The following RIPOR2 variants were observed in gnomAD, a reference collection of about 807,000 sequenced individuals.
The protein encoded by RIPOR2 is RHO family interacting cell polarization regulator 2.
RIPOR2 carries 39 observed loss-of-function variants against 114.5 expected under a neutral mutation model. The ratio of observed to expected loss-of-function variants is 0.34; its 90% CI spans 0.26 to 0.44. RIPOR2 has a LOEUF of 0.44. RIPOR2 is among the 20% of genes least tolerant of loss of function. The pLI is 1.00. For synonymous variants in RIPOR2, 445 were observed against 484.4 expected (o/e 0.92, Z 1.07); for missense variants, 1,007 against 1,255.1 (o/e 0.80, Z 2.99).
intron 1 of RIPOR2, among the ~76,000 whole-genome samples, chr6:24,888,884 AT>A (rs1188558152): frequency 6.6e-6 from 1 of 152,216 alleles, no homozygotes; most frequent in African/African-American, 2.4e-5. Context: ...CATTACTCAA[AT>A]ATGGTAATGT....
chr6:24,851,138 G>A (rs1292032355), intron 9 of RIPOR2, among the ~76,000 whole-genome samples: 7 of 151,794 alleles, frequency 4.6e-5, no homozygotes, highest in Non-Finnish European at 7.4e-5. Flanking sequence ...CAGGTCATCT[G>A]CCCGCCTCAG....
chr6:24,924,818 C>A (rs1770745136), intron 1 of RIPOR2, among the ~76,000 whole-genome samples: 1 of 152,090 alleles, frequency 6.6e-6, no homozygotes, highest in Non-Finnish European at 1.5e-5. Context: ...ATGACATAGA[C>A]TAGAGTTGGC....
intron 1 of RIPOR2, among the ~76,000 whole-genome samples, chr6:24,905,004 A>G (rs1315768285): frequency 6.6e-6 from 1 of 151,998 alleles, no homozygotes; most frequent in East Asian, 1.9e-4. Flanking sequence ...CAAACCCCTG[A>G]CCTCCAATGA....
At position 24,869,708 on chromosome 6, in the gene RIPOR2, G is replaced by A. The variant is rs9461075; in HGVS notation, c.448-561C>T. On this transcript the variant is annotated intron_variant, in intron 5 of 21. Transcript: ENST00000643898. ...ATCCTTGTGTTTAACATGAAGAAAG[G>A]CCAATCCAATGGAAGTCATTAGATT... Among the ~76,000 whole-genome samples the A allele has an allele frequency of 3.1e-3, 476 of 152,202 alleles. 4 individuals are homozygous for A. The highest frequency in any genetic ancestry group is 0.011 in the African/African-American group (440 of 41,530).
In RIPOR2 at chr6:25,037,551, G is replaced by A. The variant is rs1284216731; in HGVS notation, c.76+4300C>T. ...CGAATGTCTGCTCAGTATCACACAT[G>A]TGTGTCTTTGTAGTGACCTTTGGCC... On this transcript the variant is annotated intron_variant, in intron 1 of 13. Transcript: ENST00000510784. The surrounding 1 kb of genome is among the most constrained non-coding windows in gnomAD (Gnocchi z 4.5). Among the ~76,000 whole-genome samples the A allele has an allele frequency of 3.3e-5, 5 of 152,312 alleles. No homozygotes were observed. The East Asian group carries it at 7.7e-4, about 24-fold the overall frequency.
intron 5 of RIPOR2, among the ~76,000 whole-genome samples, chr6:24,869,466 C>T (rs1441025460): frequency 5.3e-5 from 8 of 151,790 alleles, no homozygotes; most frequent in Non-Finnish European, 7.4e-5. Context: ...TACAGGTGCC[C>T]GCCACCATGC....
chr6:25,004,960 A>G (rs1775485994), intron 1 of RIPOR2, among the ~76,000 whole-genome samples: 1 of 150,512 alleles, frequency 6.6e-6, no homozygotes, highest in Admixed American at 6.7e-5. Context: ...ATCAAAAGCT[A>G]GTACCCCAAA....
At chr6:24,845,873 A>G (rs1394088344) in intron 12 of RIPOR2, among the ~76,000 whole-genome samples, 6 of 152,178 alleles carry the variant, frequency 3.9e-5, no homozygotes, top group African/African-American at 1.4e-4. Context: ...AACAACATGC[A>G]AAGACATGAG....
intron 14 of RIPOR2, among the ~76,000 whole-genome samples, chr6:24,838,537 A>G (rs568399670): frequency 3.3e-5 from 5 of 152,208 alleles, no homozygotes; most frequent in Admixed American, 3.3e-4. Context: ...CACACCTGCA[A>G]TCCCAGCACT....
chr6:24,918,842 T>C (rs1770274014), intron 1 of RIPOR2, among the ~76,000 whole-genome samples: 1 of 152,182 alleles, frequency 6.6e-6, no homozygotes, highest in Non-Finnish European at 1.5e-5. Context: ...GCTCCTAGGC[T>C]CTGAATCCAG....
intron 1 of RIPOR2, among the ~76,000 whole-genome samples, chr6:24,963,460 A>G (rs1377253161): frequency 6.6e-6 from 1 of 152,250 alleles, no homozygotes; most frequent in Non-Finnish European, 1.5e-5. Flanking sequence ...TTAAATCTCT[A>G]GATGATACCT....
In RIPOR2 at chr6:24,825,225, C is replaced by A. The variant is rs767150795; in HGVS notation, c.2868+1G>T. On this transcript the variant is annotated splice_donor_variant, in intron 19 of 21. Coordinates refer to ENST00000643898, the MANE Select transcript of RIPOR2 (RefSeq NM_001286445.3). LOFTEE classifies it high-confidence loss of function. The stretch of plus-strand genomic sequence containing the variant: ...TTGATGGCCATGGTTTAGTGTCTTA[C>A]CTTTTCCCTGAAATGCTGATTTTTG... 1 of 1,549,726 alleles carries A rather than the reference C, an allele frequency of 6.5e-7. No homozygotes were observed. Among genetic ancestry groups the A allele is most frequent in the African/African-American group, 1.4e-5 (1 of 73,116 alleles).
chr6:24,880,966 A>C (rs56126542), intron 1 of RIPOR2, among the ~76,000 whole-genome samples: 2,322 of 152,290 alleles, frequency 0.015, 51 homozygotes, highest in African/African-American at 0.052. Flanking sequence ...AACTCAGGCC[A>C]GGTGCAGTGG....
In RIPOR2 at chr6:24,865,457, G is replaced by A. The variant is rs1764507695; in HGVS notation, c.502-7C>T. ...CTTCATAGAGTTCATCTACCTGCCAGAATCAAAACAGGAAACAGAAATAAA... is the reference window on the plus strand; with the variant it reads ...CTTCATAGAGTTCATCTACCTGCCAAAATCAAAACAGGAAACAGAAATAAA... On this transcript the variant is annotated splice_polypyrimidine_tract_variant and splice_region_variant and intron_variant, in intron 6 of 21. Coordinates refer to ENST00000643898, the MANE Select transcript of RIPOR2 (RefSeq NM_001286445.3). The A allele has an allele frequency of 6.3e-7, 1 of 1,594,518 alleles. No individual in the cohort carries two copies. Among genetic ancestry groups the A allele is most frequent in the East Asian group, 2.3e-5 (1 of 44,262 alleles).
At chr6:24,860,720 G>T (rs1763989521) in intron 8 of RIPOR2, among the ~76,000 whole-genome samples, 1 of 152,186 alleles carries the variant, frequency 6.6e-6, no homozygotes, top group Admixed American at 6.6e-5. Context: ...TCTAGGTGAT[G>T]GGTTTATGGG....
At chr6:24,888,524 G>T (rs550612324) in intron 1 of RIPOR2, among the ~76,000 whole-genome samples, 3 of 152,112 alleles carry the variant, frequency 2.0e-5, no homozygotes, top group Non-Finnish European at 4.4e-5. Flanking sequence ...AACAGAAAAA[G>T]CCACTAGGTT....
intron 1 of RIPOR2, among the ~76,000 whole-genome samples, chr6:24,879,281 G>A (rs959500377): frequency 5.9e-5 from 9 of 152,166 alleles, no homozygotes; most frequent in Non-Finnish European, 1.2e-4. Flanking sequence ...GGGAGGTGGC[G>A]GCTGCCGTGA....
intron 1 of RIPOR2, among the ~76,000 whole-genome samples, chr6:24,922,712 T>C (rs1236963831): frequency 1.3e-5 from 2 of 151,894 alleles, no homozygotes; most frequent in East Asian, 1.9e-4. Flanking sequence ...ATACAAAAAT[T>C]AGCCTGGTGT....
At chr6:24,833,600 T>C (rs182455875) in intron 15 of RIPOR2, among the ~76,000 whole-genome samples, 430 of 152,286 alleles carry the variant, frequency 2.8e-3, no homozygotes, top group African/African-American at 8.6e-3. Context: ...ACAATAGCAA[T>C]GAACTGCTTT....
Sources: allele counts gnomAD v4.1 joint callset (sites outside exome capture counted in the v4.1 genomes callset), GRCh38; gene constraint gnomAD v4.1.1; non-coding constraint Gnocchi (gnomAD v3.1); transcripts MANE v1.5; gene names NCBI Gene and HGNC (gene_info 2026-07-23, HGNC 2026-07-21).